The following SLC9A9 variants were observed in gnomAD, a reference collection of about 807,000 sequenced individuals.
SLC9A9 encodes solute carrier family 9 member A9, also known as sodium/hydrogen exchanger 9.
A neutral mutation model predicts 77.8 loss-of-function variants in SLC9A9; 62 were observed. The observed-to-expected ratio is 0.80, with a 90% CI of 0.65 to 0.98. SLC9A9 has a LOEUF of 0.98. Among genes scored for constraint, SLC9A9 ranks in the 50% least tolerant of loss-of-function variants. The probability of loss-of-function intolerance (pLI) is 0.00; values close to 1 mark genes in which losing one functional copy is unlikely to be tolerated. For synonymous variants in SLC9A9, 320 were observed against 283.5 expected (o/e 1.13, Z -1.29); for missense variants, 775 against 774.9 (o/e 1.00, Z 0.00).
At chr3:143,462,959 C>T (rs934517079) in intron 12 of SLC9A9, among the ~76,000 whole-genome samples, 2 of 152,138 alleles carry the variant, frequency 1.3e-5, no homozygotes, top group Admixed American at 6.5e-5. Context: ...TTGTCAACCA[C>T]CCTGGGAAGC....
At chr3:143,847,509 A>G (rs999674983) in intron 1 of SLC9A9, 1 of 152,422 alleles carries the variant, frequency 6.6e-6, no homozygotes, top group African/African-American at 2.4e-5. Flanking sequence ...GAGATACATA[A>G]CAAATAACAC....
At chr3:143,832,420 C>T (rs1312975375) in intron 1 of SLC9A9, among the ~76,000 whole-genome samples, 199 bp from the exon 2 acceptor site, 1 of 152,132 alleles carries the variant, frequency 6.6e-6, no homozygotes, top group East Asian at 1.9e-4. Flanking sequence ...AGCACCATTG[C>T]TTCAATACTC....
chr3:143,632,868 G>C (rs1413959400), intron 6 of SLC9A9, among the ~76,000 whole-genome samples: 1 of 152,154 alleles, frequency 6.6e-6, no homozygotes, highest in Admixed American at 6.5e-5. Flanking sequence ...TCTGAGCAGG[G>C]ATATTAGGGC....
chr3:143,519,794 G>C (rs56056534), intron 9 of SLC9A9, among the ~76,000 whole-genome samples: 10,875 of 152,072 alleles, frequency 0.072, 892 homozygotes, highest in East Asian at 0.28. Context: ...ATTTTTTGAA[G>C]GACCAAAGTT....
intron 14 of SLC9A9, among the ~76,000 whole-genome samples, chr3:143,282,341 T>C (rs1233497837): frequency 6.6e-6 from 1 of 152,214 alleles, no homozygotes; most frequent in Non-Finnish European, 1.5e-5. Flanking sequence ...GAGTTTCCAA[T>C]ACCCACCAAA....
chr3:143,452,018 A>G (rs891572771), intron 12 of SLC9A9, among the ~76,000 whole-genome samples: 2 of 152,168 alleles, frequency 1.3e-5, no homozygotes, highest in Non-Finnish European at 2.9e-5. Flanking sequence ...TTTGAGTAAC[A>G]TAATCAAGAA....
At chr3:143,625,170 G>T (rs1317018451) in intron 6 of SLC9A9, among the ~76,000 whole-genome samples, 1 of 152,178 alleles carries the variant, frequency 6.6e-6, no homozygotes, top group African/African-American at 2.4e-5. Flanking sequence ...AATCAATATT[G>T]TGAAAATGGC....
intron 14 of SLC9A9, among the ~76,000 whole-genome samples, chr3:143,325,804 T>C (rs13061014): frequency 0.2 from 29,952 of 152,154 alleles, 3,184 homozygotes; most frequent in Middle Eastern, 0.3. Flanking sequence ...AAGCAAGTCC[T>C]GCAGACCTGG....
intron 14 of SLC9A9, among the ~76,000 whole-genome samples, chr3:143,295,865 C>T (rs1347781382): frequency 6.6e-6 from 1 of 151,842 alleles, no homozygotes; most frequent in Non-Finnish European, 1.5e-5. Flanking sequence ...GCAAAGTCTC[C>T]TGCTCTCCCC....
chr3:143,590,813 C>A (rs549413713), intron 6 of SLC9A9, among the ~76,000 whole-genome samples: 18 of 152,136 alleles, frequency 1.2e-4, no homozygotes, highest in Admixed American at 7.9e-4. Context: ...ATGAAAACAA[C>A]GGAGTTTGCT....
chr3:143,585,665 C>A lies in SLC9A9; in HGVS notation c.756-6942G>T, dbSNP rs4024563. 6.7e-3 allele frequency among the ~76,000 whole-genome samples: 1,021 copies of A among 152,216 alleles called. 12 individuals are homozygous for A. The highest frequency in any genetic ancestry group is 0.024 in the African/African-American group (983 of 41,518). ...TGTCACAGATATTTTGGGCTAACAT[C>A]GCCAATCTCCTTAATCTGGGGTTCC... On this transcript the variant is annotated intron_variant, in intron 6 of 15. Transcript: ENST00000316549.
intron 6 of SLC9A9, among the ~76,000 whole-genome samples, chr3:143,632,842 C>A (rs1420045629): frequency 1.3e-5 from 2 of 152,120 alleles, no homozygotes; most frequent in East Asian, 3.8e-4. Flanking sequence ...AACTGTTCCA[C>A]AAACATGGAC....
rs1004577644 is a variant in SLC9A9, at chr3:143,430,745, C to G, written c.1469+36292G>C. Among the ~76,000 whole-genome samples, 15 of 152,338 alleles carry G rather than the reference C, an allele frequency of 9.8e-5. No individual in the cohort carries two copies. In the East Asian group the frequency reaches 2.7e-3, roughly 27 times the overall value. On this transcript the variant is annotated intron_variant, in intron 12 of 15. Coordinates refer to ENST00000316549, the MANE Select transcript of SLC9A9 (RefSeq NM_173653.4). ...GCTGACATACACCATATCCACCACC[C>G]TTTCAGCTGAGCCACCTTCCAGGTG...
intron 14 of SLC9A9, among the ~76,000 whole-genome samples, chr3:143,344,167 G>A (rs2032191130): frequency 6.6e-6 from 1 of 152,160 alleles, no homozygotes; most frequent in Non-Finnish European, 1.5e-5. Flanking sequence ...GTTACTTTGT[G>A]TATTGGCAGA....
intron 9 of SLC9A9, among the ~76,000 whole-genome samples, chr3:143,525,052 A>G (rs2036381149): frequency 6.6e-6 from 1 of 152,204 alleles, no homozygotes; most frequent in African/African-American, 2.4e-5. Context: ...ATTGCAATGA[A>G]AAATAGACTA....
chr3:143,677,687 T>C (rs1932927519), intron 5 of SLC9A9, among the ~76,000 whole-genome samples: 1 of 152,244 alleles, frequency 6.6e-6, no homozygotes, highest in Non-Finnish European at 1.5e-5. Context: ...GTATTATAAT[T>C]GTTGCCAAAC....
At chr3:143,277,333 T>A (rs1938080277) in intron 14 of SLC9A9, among the ~76,000 whole-genome samples, 1 of 152,198 alleles carries the variant, frequency 6.6e-6, no homozygotes, top group African/African-American at 2.4e-5. Context: ...TTTCCTCTTG[T>A]GCTTGTTAAA....
intron 9 of SLC9A9, among the ~76,000 whole-genome samples, chr3:143,534,904 A>G (rs1469547160): frequency 2.0e-5 from 3 of 152,194 alleles, no homozygotes; most frequent in Non-Finnish European, 4.4e-5. Context: ...CCTTAAAAAC[A>G]GTCACTTTTT....
chr3:143,348,414 T>C (rs1576440675), intron 14 of SLC9A9, among the ~76,000 whole-genome samples: 1 of 152,232 alleles, frequency 6.6e-6, no homozygotes. Context: ...ATTTACTTCC[T>C]GGGAGTCTAA....
Sources: gnomAD v4.1 joint callset for allele counts (sites outside exome capture counted in the v4.1 genomes callset) on GRCh38, gnomAD v4.1.1 for gene constraint, MANE v1.5 for transcripts, NCBI Gene and HGNC (gene_info 2026-07-23, HGNC 2026-07-21) for gene names.